Variants in LRP1B observed in about 807,000 individuals in gnomAD.
The protein encoded by LRP1B is LDL receptor related protein 1B.
LRP1B carries 217 observed loss-of-function variants against 556.6 expected under a neutral mutation model. The observed-to-expected ratio is 0.39, with a 90% CI of 0.35 to 0.44. The LOEUF is 0.44. Ranked by LOEUF, LRP1B falls within the 20% of genes least tolerant of loss-of-function variation. LRP1B has a pLI of 1.00. For synonymous variants in LRP1B, 2,047 were observed against 1,865.8 expected, an observed-to-expected ratio of 1.10 and a Z score of -2.50; for missense variants, 5,053 against 5,620.8, an observed-to-expected ratio of 0.90 and a Z score of 3.23.
At chr2:141,463,581 ATTATATATAATATAT>A (rs1682017284) in intron 3 of LRP1B, among the ~76,000 whole-genome samples, 1 of 50,468 alleles carries the variant, frequency 2.0e-5, no homozygotes, top group African/African-American at 5.5e-5. Flanking sequence ...ATTATATATA[ATTATATATAATATAT>A]ATTATATATT....
intron 3 of LRP1B, among the ~76,000 whole-genome samples, chr2:141,347,308 A>G (rs1236642166): frequency 6.6e-6 from 1 of 152,074 alleles, no homozygotes; most frequent in East Asian, 1.9e-4. Context: ...TAATTGTAAT[A>G]ACAAAAAAAA....
intron 7 of LRP1B, among the ~76,000 whole-genome samples, chr2:141,120,777 C>T (rs1701027994): frequency 6.6e-6 from 1 of 151,954 alleles, no homozygotes. Flanking sequence ...TTTTACTTTA[C>T]TCATTTAGCT....
intron 25 of LRP1B, among the ~76,000 whole-genome samples, chr2:140,872,360 ATTTTTTTTTTTTTTT>A (rs59469282): frequency 1.7e-5 from 1 of 60,496 alleles, no homozygotes; most frequent in Non-Finnish European, 3.0e-5. Context: ...GTGTCACCTG[ATTTTTTTTTTTTTTT>A]TTTTTTTTTT....
At chr2:140,977,080 T>C (rs531514912) in intron 18 of LRP1B, among the ~76,000 whole-genome samples, 16 of 152,306 alleles carry the variant, frequency 1.1e-4, no homozygotes, top group South Asian at 1.0e-3. Flanking sequence ...TTATATTTAA[T>C]ATAGTAATTT....
chr2:141,982,447 C>T (rs1210274509), intron 1 of LRP1B, among the ~76,000 whole-genome samples: 2 of 152,126 alleles, frequency 1.3e-5, no homozygotes, highest in Non-Finnish European at 2.9e-5. Flanking sequence ...CTTTAGGAGA[C>T]ACTTTAGAGT....
Position 141,864,125 on chromosome 2 carries a change from T to TA in LRP1B, c.83-53725dup, listed in dbSNP as rs531539222. 1.5e-3 allele frequency among the ~76,000 whole-genome samples: 228 copies of TA among 152,102 alleles called. 3 individuals carry two copies. The East Asian group carries it at 0.033, about 22-fold the overall frequency. ...TATGTTTGGGGTAAGCAATACAGCA[T>TA]AAAAAAAATCTGTCTAACCAGTCCT... On this transcript the variant is annotated intron_variant, in intron 1 of 90. Coordinates refer to ENST00000389484, the MANE Select transcript of LRP1B (RefSeq NM_018557.3).
intron 1 of LRP1B, among the ~76,000 whole-genome samples, chr2:142,019,054 G>A (rs1703246985): frequency 6.6e-6 from 1 of 152,152 alleles, no homozygotes; most frequent in Non-Finnish European, 1.5e-5. Context: ...TCTAAAGTGA[G>A]ATTAATTTAA....
chr2:141,998,084 A>G (rs926577113), intron 1 of LRP1B, among the ~76,000 whole-genome samples: 3 of 152,190 alleles, frequency 2.0e-5, no homozygotes, highest in Admixed American at 6.5e-5. Context: ...GCACTGTAAA[A>G]GCACTACATG....
intron 43 of LRP1B, among the ~76,000 whole-genome samples, chr2:140,546,036 C>G (rs186260583): frequency 0.049 from 3,995 of 81,894 alleles, 84 homozygotes; most frequent in Non-Finnish European, 0.065. Context: ...GTGTGTGTGT[C>G]TGTTGCAATT....
At chr2:140,738,312 C>T (rs746602178) in intron 35 of LRP1B, among the ~76,000 whole-genome samples, 33 of 152,084 alleles carry the variant, frequency 2.2e-4, no homozygotes, top group Non-Finnish European at 1.6e-4. Flanking sequence ...TAAATTTCCT[C>T]ATGGGGCAGG....
intron 72 of LRP1B, among the ~76,000 whole-genome samples, chr2:140,363,784 A>G (rs536758148): frequency 2.6e-5 from 4 of 151,666 alleles, no homozygotes; most frequent in East Asian, 3.9e-4. Flanking sequence ...GTCACCATCT[A>G]TATCTAAATA....
At chr2:141,086,664 C>G (rs1469495801) in intron 7 of LRP1B, among the ~76,000 whole-genome samples, 1 of 146,792 alleles carries the variant, frequency 6.8e-6, no homozygotes, top group Non-Finnish European at 1.5e-5. Context: ...GTGTGTCAGT[C>G]AAGAACAAAA....
intron 2 of LRP1B, among the ~76,000 whole-genome samples, chr2:141,645,878 A>T (rs1376079066): frequency 6.6e-6 from 1 of 152,114 alleles, no homozygotes; most frequent in East Asian, 1.9e-4. Context: ...CCAGCTTTTT[A>T]CTTGCTAAGA....
rs551126030 is a variant in LRP1B, at chr2:140,978,515, A to G, written c.2887+3645T>C. On this transcript the variant is annotated intron_variant, in intron 18 of 90. Coordinates refer to ENST00000389484, the MANE Select transcript of LRP1B (RefSeq NM_018557.3). ...CAAAAGCAAAATATGGCCAGTATGA[A>G]TTTTGTAATAAAACTAGAAATGAGT... 5.3e-5 allele frequency among the ~76,000 whole-genome samples: 8 copies of G among 152,304 alleles called. No individual in the cohort carries two copies. In the South Asian group the frequency reaches 1.7e-3, roughly 32 times the overall value.
At chr2:141,469,345 T>C (rs1682370332) in intron 3 of LRP1B, among the ~76,000 whole-genome samples, 1 of 152,204 alleles carries the variant, frequency 6.6e-6, no homozygotes, top group Admixed American at 6.5e-5. Flanking sequence ...TTACTTAATG[T>C]ATTGCAATAT....
At chr2:141,475,661 G>C (rs1371959079) in intron 3 of LRP1B, among the ~76,000 whole-genome samples, 2 of 152,024 alleles carry the variant, frequency 1.3e-5, no homozygotes, top group Non-Finnish European at 2.9e-5. Context: ...GCTCCACAAA[G>C]AGAAGAATAA....
At chr2:141,612,833 C>T (rs930769263) in intron 2 of LRP1B, among the ~76,000 whole-genome samples, 19 of 152,128 alleles carry the variant, frequency 1.2e-4, no homozygotes, top group African/African-American at 4.3e-4. Flanking sequence ...GAGACAGTCT[C>T]GCTCTGTCAC....
chr2:141,673,945 T>A (rs982424762), intron 2 of LRP1B, among the ~76,000 whole-genome samples: 2 of 151,908 alleles, frequency 1.3e-5, no homozygotes, highest in African/African-American at 2.4e-5. Flanking sequence ...ATACCCTTAA[T>A]CCCTCCTCTA....
At chr2:140,858,423 T>C (rs1270932658) in intron 27 of LRP1B, among the ~76,000 whole-genome samples, 1 of 151,048 alleles carries the variant, frequency 6.6e-6, no homozygotes, top group Non-Finnish European at 1.5e-5. Flanking sequence ...TGTATGTATG[T>C]ACGTGTATAA....
Sources: allele counts gnomAD v4.1 joint callset (sites outside exome capture counted in the v4.1 genomes callset), GRCh38; gene constraint gnomAD v4.1.1; transcripts MANE v1.5; gene names NCBI Gene and HGNC (gene_info 2026-07-23, HGNC 2026-07-21).